Variants in KNOP1 observed in about 807,000 individuals in gnomAD.
The protein encoded by KNOP1 is lysine rich nucleolar protein 1, also known as lysine-rich nucleolar protein 1.
A neutral mutation model predicts 30.6 loss-of-function variants in KNOP1; 20 were observed. The observed-to-expected ratio is 0.65, with a 90% CI of 0.46 to 0.95. The LOEUF (loss-of-function observed/expected upper bound fraction) is 0.95, where lower values mean the gene tolerates loss of function less well. Among genes scored for constraint, KNOP1 ranks in the 40% least tolerant of loss-of-function variants. The pLI, the probability that KNOP1 is intolerant of heterozygous loss-of-function variation, is 0.00. For missense variants in KNOP1, 540 were observed against 562.0 expected (o/e 0.96, Z 0.40); for synonymous variants, 204 against 210.0 (o/e 0.97, Z 0.25).
At chr16:19,711,160 T>TGGCCAC (rs1976698143) in intron 3 of KNOP1, among the ~76,000 whole-genome samples, 1 of 152,224 alleles carries the variant, frequency 6.6e-6, no homozygotes, top group Non-Finnish European at 1.5e-5. Context: ...CTCTCGGCCA[T>TGGCCAC]GGCCACGGCA....
rs1450697467 is a variant in KNOP1, at chr16:19,706,864, T to TAATC, written c.*42_*45dup. On this transcript the variant is annotated 3_prime_UTR_variant, in exon 5 of 5. Coordinates refer to ENST00000219837, the MANE Select transcript of KNOP1 (RefSeq NM_001012991.3). ...TTTGTAATCTCCAGCATAAATGGAA[T>TAATC]AATCAAAGCAATTGTGGCAGTTTTG... 1 of 1,580,430 alleles carries TAATC rather than the reference T, an allele frequency of 6.3e-7. No individual in the cohort carries two copies. The highest frequency in any genetic ancestry group is 1.9e-5 in the Admixed American group (1 of 51,690).
Position 19,702,030 on chromosome 16 carries a change from C to G in KNOP1, c.*4880G>C, listed in dbSNP as rs938149253. On this transcript the variant is annotated 3_prime_UTR_variant, in exon 5 of 5. Transcript: ENST00000219837. ...GACAGTTTCACTCTTGTTGCCCAGG[C>G]TGGAGTACAATGGCGTGATCTCGGC... is the stretch of plus-strand genomic sequence containing the variant. 1 of 152,356 alleles carries G rather than the reference C, an allele frequency of 6.6e-6. No individual in the cohort carries two copies. Among genetic ancestry groups the G allele is most frequent in the African/African-American group, 2.4e-5 (1 of 41,374 alleles). The allele number at this position is 152,356 out of a possible 1,614,324, so 9.4% of individuals were successfully genotyped here.
Position 19,707,013 on chromosome 16 carries a change from C to G in KNOP1, c.1274G>C (p.Ser425Thr), listed in dbSNP as rs1976397611. Reference protein sequence around the residue: ...NLQRDYDRAMSWKYSRGAGLG... With the variant: ...NLQRDYDRAMTWKYSRGAGLG... Reference sequence around the variant, plus strand: ...GCCGGCTCCCCGGCTGTACTTCCAGCTCATGGCCCGGTCGTAGTCCCGCTG... The same window carrying G: ...GCCGGCTCCCCGGCTGTACTTCCAGGTCATGGCCCGGTCGTAGTCCCGCTG... Residue 425 changes from serine to threonine, a missense_variant, in exon 5 of 5, where the codon AGC (serine) becomes ACC (threonine). By Grantham distance (58) the Ser-to-Thr change is moderately conservative. Transcript: ENST00000219837. 6.2e-7 allele frequency: 1 copy of G among 1,614,136 alleles called. No homozygotes were observed.
chr16:19,705,423 T>C lies in KNOP1; in HGVS notation c.*1487A>G. 1 of 369,784 alleles carries C rather than the reference T, an allele frequency of 2.7e-6. No individual in the cohort carries two copies. The highest frequency in any genetic ancestry group is 5.4e-6 in the Non-Finnish European group (1 of 186,004). 22.9% of individuals were successfully genotyped at this position (369,784 alleles called of 1,614,324 possible). ...GATGGTCACATGCGACTTGGGCCAC[T>C]GGACCTGGAGCTCTTTGAGGCTTGC... is the stretch of plus-strand genomic sequence containing the variant. On this transcript the variant is annotated 3_prime_UTR_variant, in exon 5 of 5. Coordinates refer to ENST00000219837, the MANE Select transcript of KNOP1 (RefSeq NM_001012991.3).
Position 19,706,804 on chromosome 16 carries a change from G to C in KNOP1, c.*106C>G, listed in dbSNP as rs1976373711. 8 of 1,162,424 alleles carry C rather than the reference G, an allele frequency of 6.9e-6. No individual in the cohort carries two copies. The highest frequency in any genetic ancestry group is 8.8e-6 in the Non-Finnish European group (7 of 799,502). The allele number at this position is 1,162,424 out of a possible 1,614,324, so 72.0% of individuals were successfully genotyped here. A position where few individuals can be genotyped will look rare whatever the true frequency, so the allele number is the denominator to read the frequency against. ...AGTTATTTATATCTTACTGCTCGAGGTCCTCACCAAGATCTGATTTTTTCA... is the reference window on the plus strand; with the variant it reads ...AGTTATTTATATCTTACTGCTCGAGCTCCTCACCAAGATCTGATTTTTTCA... On this transcript the variant is annotated 3_prime_UTR_variant, in exon 5 of 5. Transcript: ENST00000219837.
At chr16:19,708,992 C>G (rs1006860922) in intron 4 of KNOP1, among the ~76,000 whole-genome samples, 9 of 152,308 alleles carry the variant, frequency 5.9e-5, no homozygotes, top group Non-Finnish European at 1.3e-4. Context: ...GCCGTCAGGT[C>G]CTTCCAGGGA....
At chr16:19,707,986 C>T (rs1976504294) in intron 4 of KNOP1, among the ~76,000 whole-genome samples, 1 of 141,500 alleles carries the variant, frequency 7.1e-6, no homozygotes, top group African/African-American at 2.7e-5. Context: ...CACAGCGCAC[C>T]TCACCCCACC....
chr16:19,717,158 T>C (rs1977173552), intron 1 of KNOP1, among the ~76,000 whole-genome samples: 1 of 152,188 alleles, frequency 6.6e-6, no homozygotes, highest in African/African-American at 2.4e-5. Flanking sequence ...GTGCCTAATT[T>C]ATAAACTTTC....
In KNOP1 at chr16:19,718,195, G is replaced by A. The variant is rs570272736; in HGVS notation, c.-40C>T. The A allele has an allele frequency of 4.0e-6, 6 of 1,508,788 alleles. No homozygotes were observed. The African/African-American group carries it at 5.5e-5, about 14-fold the overall frequency. The allele number at this position is 1,508,788 out of a possible 1,614,324, so 93.5% of individuals were successfully genotyped here. On this transcript the variant is annotated 5_prime_UTR_variant, in exon 1 of 5. Coordinates refer to ENST00000219837, the MANE Select transcript of KNOP1 (RefSeq NM_001012991.3). ...TTTCCCCGCCTCCACGTGAGAGCCA[G>A]CTCCGCCGTGACCCGGAAGTCCACT... is the stretch of plus-strand genomic sequence containing the variant.
chr16:19,712,161 T>A (rs1276980255), intron 2 of KNOP1: 1 of 152,154 alleles, frequency 6.6e-6, no homozygotes, highest in African/African-American at 2.4e-5. Context: ...GGAGAAGGGA[T>A]TCTAGAGTCT....
chr16:19,709,951 A>G (rs1004012630), intron 4 of KNOP1, among the ~76,000 whole-genome samples: 7 of 152,020 alleles, frequency 4.6e-5, no homozygotes, highest in Non-Finnish European at 7.4e-5. Flanking sequence ...CATCTGCTCC[A>G]TGTCCAGCAC....
At position 19,710,559 on chromosome 16, in the gene KNOP1, T is replaced by C. The variant is rs1162624634; in HGVS notation, c.1015A>G (p.Ile339Val). ...QVRRKALQEE[I>V]DRESGKTEAS... The stretch of plus-strand genomic sequence containing the variant: ...TCCGTTTTGCCTGACTCGCGATCGA[T>C]CTCTTCTTGCAAGGCCTTTCGCCTC... Residue 339 changes from isoleucine to valine, a missense_variant, in exon 4 of 5, where the codon ATC (isoleucine) becomes GTC (valine). Transcript: ENST00000219837. The C allele has an allele frequency of 9.9e-6, 16 of 1,612,208 alleles. No homozygotes were observed. In the African/African-American group the frequency reaches 1.1e-4, roughly 11 times the overall value.
chr16:19,711,754 G>A (rs1597468403), intron 2 of KNOP1: 1 of 388,658 alleles, frequency 2.6e-6, no homozygotes, highest in Non-Finnish European at 4.8e-6. Context: ...CCTGACCCAG[G>A]GCTTGGTGTC....
In KNOP1 at chr16:19,705,489, G is replaced by A. The variant is rs185295714; in HGVS notation, c.*1421C>T. On this transcript the variant is annotated 3_prime_UTR_variant, in exon 5 of 5. Coordinates refer to ENST00000219837, the MANE Select transcript of KNOP1 (RefSeq NM_001012991.3). Reference sequence around the variant, plus strand: ...TGGAAACGCTGTCCCCACAGCCGATGAGGCAACTTCCCGTGTCATCTCCAC... The same window carrying A: ...TGGAAACGCTGTCCCCACAGCCGATAAGGCAACTTCCCGTGTCATCTCCAC... 6.2e-4 allele frequency: 197 copies of A among 317,434 alleles called. No homozygotes were observed. The highest frequency in any genetic ancestry group is 3.4e-3 in the Middle Eastern group (3 of 874). The allele number at this position is 317,434 out of a possible 1,614,324, so 19.7% of individuals were successfully genotyped here. A position where few individuals can be genotyped will look rare whatever the true frequency, so the allele number is the denominator to read the frequency against.
intron 1 of KNOP1, chr16:19,715,324 C>T (rs762259355): frequency 3.6e-4 from 115 of 317,580 alleles, no homozygotes; most frequent in Non-Finnish European, 5.9e-4. Flanking sequence ...GAATATAACA[C>T]CTCCCTCCTC....
intron 1 of KNOP1, 85 bp downstream of exon 1, chr16:19,718,073 T>A: frequency 7.0e-7 from 1 of 1,422,942 alleles, no homozygotes; most frequent in South Asian, 1.5e-5. Context: ...TGGACCGCAT[T>A]TCCCCATCTT....
In KNOP1 at chr16:19,712,482, T is replaced by A. The variant is rs754942574; in HGVS notation, c.919-1042A>T. Among the ~76,000 whole-genome samples the A allele has an allele frequency of 2.3e-4, 35 of 152,278 alleles. 3 individuals carry two copies. Among genetic ancestry groups the A allele is most frequent in the Middle Eastern group, 3.4e-3 (1 of 294 alleles). On this transcript the variant is annotated intron_variant, in intron 2 of 4. Transcript: ENST00000219837. ...ATACCGGCTTCTACAAGAGGTTACA[T>A]AGATGGTTTCTGAGAAGGGATAAAT...
Position 19,706,856 on chromosome 16 carries a change from A to AT in KNOP1, c.*53_*54insA, listed in dbSNP as rs1976377508. The AT allele has an allele frequency of 3.2e-6, 5 of 1,569,580 alleles. No homozygotes were observed. The highest frequency in any genetic ancestry group is 4.3e-6 in the Non-Finnish European group (5 of 1,158,600). ...AAAAAAAATTTGTAATCTCCAGCATAAATGGAATAATCAAAGCAATTGTGG... is the reference window on the plus strand; with the variant it reads ...AAAAAAAATTTGTAATCTCCAGCATATAATGGAATAATCAAAGCAATTGTGG... On this transcript the variant is annotated 3_prime_UTR_variant, in exon 5 of 5. Transcript: ENST00000219837.
At position 19,714,817 on chromosome 16, in the gene KNOP1, A is replaced by G; in HGVS notation, c.219T>C (p.Gly73=). The change falls in exon 2 of 5, where the codon GGT becomes GGC. Residue 73 remains glycine, a synonymous_variant. Transcript: ENST00000219837. ...LVKKKKKKKK[G]VSTLCEEHVE... The stretch of plus-strand genomic sequence containing the variant: ...CATGCTCCTCGCAAAGGGTGCTGAC[A>G]CCCTTCTTTTTCTTCTTCTTTTTCT... 6.2e-7 allele frequency: 1 copy of G among 1,613,746 alleles called. No individual in the cohort carries two copies. Among genetic ancestry groups the G allele is most frequent in the Non-Finnish European group, 8.5e-7 (1 of 1,179,924 alleles).
Sources: allele counts gnomAD v4.1 joint callset (sites outside exome capture counted in the v4.1 genomes callset), GRCh38; gene constraint gnomAD v4.1.1; transcripts MANE v1.5; gene names NCBI Gene and HGNC (gene_info 2026-07-23, HGNC 2026-07-21).